PIK3C2A: variants seen among roughly 807,000 people sequenced by gnomAD.
PIK3C2A encodes phosphatidylinositol-4-phosphate 3-kinase catalytic subunit type 2 alpha.
PIK3C2A carries 97 observed loss-of-function variants against 204.5 expected under a neutral mutation model. The observed-to-expected ratio is 0.47, with a 90% CI of 0.40 to 0.56. The LOEUF is 0.56. PIK3C2A is among the 20% of genes least tolerant of loss of function. The pLI is 0.00. For missense variants in PIK3C2A, 1,735 were observed against 1,969.2 expected (o/e 0.88, Z 2.25); for synonymous variants, 653 against 664.4 (o/e 0.98, Z 0.26).
chr11:17,199,268 T>C (rs1160679241), intron 1 of PIK3C2A, among the ~76,000 whole-genome samples: 1 of 152,188 alleles, frequency 6.6e-6, no homozygotes, highest in East Asian at 1.9e-4. Flanking sequence ...CCCTGATACT[T>C]TGCTGCTAAG....
At position 17,119,886 on chromosome 11, in the gene PIK3C2A, C is replaced by T. The variant is rs573278976; in HGVS notation, c.2746G>A (p.Ala916Thr). ...PNCLPKILAS[A>T]PNWKWVNLAK... ...AGATTAACCCATTTCCAGTTTGGGG[C>T]GCTTGCTAATATTTTAGGAAGACAA... Residue 916 changes from alanine to threonine, a missense_variant, in exon 16 of 33, where the codon GCC becomes ACC. Physicochemically the swap from Ala to Thr is moderately conservative, Grantham distance 58. Around this residue, in one of 6 missense-constraint regions of PIK3C2A, gnomAD observed 567 missense variants for 576.0 expected, o/e 0.98. Transcript: ENST00000691414. The T allele has an allele frequency of 2.2e-5, 36 of 1,610,918 alleles. No homozygotes were observed. Among genetic ancestry groups the T allele is most frequent in the Non-Finnish European group, 2.5e-5 (29 of 1,178,152 alleles).
intron 3 of PIK3C2A, among the ~76,000 whole-genome samples, chr11:17,153,706 A>C (rs893987359): frequency 6.6e-6 from 1 of 152,214 alleles, no homozygotes; most frequent in African/African-American, 2.4e-5. Context: ...ATTTTATCTT[A>C]ACTATAAACA....
chr11:17,132,022 A>C lies in PIK3C2A; in HGVS notation c.2125T>G (p.Leu709Val), dbSNP rs758816096. ...NWVSNYEKYY[L>V]ICSLSHNGKD... ...CCATTGTGAGACAGTGAACATATCA[A>C]GTAGTATTTTTCATAACTGAGAAAA... The change falls in exon 12 of 33, where the codon TTG (leucine) becomes GTG (valine). Residue 709 changes from leucine (L) to valine (V), a missense_variant. Physicochemically the swap from Leu to Val is conservative, Grantham distance 32. Around this residue, in one of 6 missense-constraint regions of PIK3C2A, gnomAD observed 567 missense variants for 576.0 expected, o/e 0.98. Coordinates refer to ENST00000691414, the MANE Select transcript of PIK3C2A (RefSeq NM_002645.4). 3 of 1,527,646 alleles carry C rather than the reference A, an allele frequency of 2.0e-6. No homozygotes were observed. The highest frequency in any genetic ancestry group is 2.3e-5 in the East Asian group (1 of 44,138). The allele number at this position is 1,527,646 out of a possible 1,614,324, so 94.6% of individuals were successfully genotyped here.
At chr11:17,186,725 C>T (rs1851765287) in intron 1 of PIK3C2A, among the ~76,000 whole-genome samples, 1 of 152,234 alleles carries the variant, frequency 6.6e-6, no homozygotes, top group Non-Finnish European at 1.5e-5. Flanking sequence ...GACCAAAACA[C>T]ATTCCTATTT....
In PIK3C2A at chr11:17,148,704, C is replaced by A; in HGVS notation, c.1411G>T (p.Val471Phe). ...DLNQVDVGSY[V>F]LKVCGQEEVL... Reference sequence around the variant, plus strand: ...TCCTCTTGACCACAAACTTTTAGAACATAGCTGCCAACATCTACTTGATTC... The same window carrying A: ...TCCTCTTGACCACAAACTTTTAGAAAATAGCTGCCAACATCTACTTGATTC... Residue 471 changes from valine (V) to phenylalanine (F), a missense_variant, in exon 5 of 33, where the codon GTT (valine) becomes TTT (phenylalanine). Coordinates refer to ENST00000691414, the MANE Select transcript of PIK3C2A (RefSeq NM_002645.4). The A allele has an allele frequency of 1.2e-6, 2 of 1,613,478 alleles. No individual in the cohort carries two copies. The highest frequency in any genetic ancestry group is 1.7e-6 in the Non-Finnish European group (2 of 1,179,642).
intron 3 of PIK3C2A, among the ~76,000 whole-genome samples, chr11:17,154,782 T>C (rs187291913): frequency 3.3e-5 from 5 of 152,312 alleles, no homozygotes; most frequent in African/African-American, 1.2e-4. Context: ...GGATGATTTA[T>C]AGTAATGAAT....
intron 13 of PIK3C2A, among the ~76,000 whole-genome samples, chr11:17,127,652 A>G (rs1849566946): frequency 6.6e-6 from 1 of 152,200 alleles, no homozygotes; most frequent in Non-Finnish European, 1.5e-5. Flanking sequence ...ATATTTCAAG[A>G]ACAAATTTGT....
intron 18 of PIK3C2A, 25 bp from the exon 19 acceptor site, chr11:17,117,696 A>G: frequency 2.8e-6 from 2 of 724,468 alleles, no homozygotes; most frequent in Non-Finnish European, 4.4e-6. Flanking sequence ...TATTTATGTT[A>G]GTCACGTCTT....
intron 1 of PIK3C2A, among the ~76,000 whole-genome samples, chr11:17,187,138 T>C (rs1376215011): frequency 1.3e-5 from 2 of 152,072 alleles, no homozygotes; most frequent in Non-Finnish European, 2.9e-5. Context: ...GCTGAAGACC[T>C]AAAGTCATGG....
At chr11:17,175,795 A>G (rs955355215) in intron 1 of PIK3C2A, among the ~76,000 whole-genome samples, 2 of 152,238 alleles carry the variant, frequency 1.3e-5, no homozygotes, top group East Asian at 1.9e-4. Context: ...TGTGTTAGAC[A>G]GTCATTTACA....
At chr11:17,100,251 G>GA (rs938953247) in intron 25 of PIK3C2A, among the ~76,000 whole-genome samples, 4 of 43,856 alleles carry the variant, frequency 9.1e-5, no homozygotes, top group African/African-American at 2.4e-4. Flanking sequence ...TTTGGGGGCG[G>GA]GGGGGGGGGG....
chr11:17,181,509 G>A (rs578135477), intron 1 of PIK3C2A, among the ~76,000 whole-genome samples: 53 of 151,380 alleles, frequency 3.5e-4, no homozygotes, highest in Non-Finnish European at 5.9e-4. Context: ...TGGCATGCCC[G>A]TAGTCCCAGC....
At chr11:17,100,259 G>GT (rs1405207274) in intron 25 of PIK3C2A, among the ~76,000 whole-genome samples, 1 of 113,352 alleles carries the variant, frequency 8.8e-6, no homozygotes, top group Non-Finnish European at 1.8e-5. Context: ...CGGGGGGGGG[G>GT]GGCAGGGAGC....
chr11:17,163,694 A>T (rs1226881144), intron 2 of PIK3C2A, among the ~76,000 whole-genome samples: 2 of 152,070 alleles, frequency 1.3e-5, no homozygotes, highest in Non-Finnish European at 2.9e-5. Context: ...GTTTACAGGC[A>T]TGAGCCACCA....
chr11:17,198,439 G>C (rs945219962), intron 1 of PIK3C2A, among the ~76,000 whole-genome samples: 2 of 152,046 alleles, frequency 1.3e-5, no homozygotes, highest in Non-Finnish European at 2.9e-5. Flanking sequence ...TAAGTTACTT[G>C]ATCTCCCTTT....
At chr11:17,154,645 C>T (rs1850524528) in intron 3 of PIK3C2A, among the ~76,000 whole-genome samples, 2 of 152,058 alleles carry the variant, frequency 1.3e-5, no homozygotes, top group Admixed American at 6.5e-5. Context: ...ATCTGGCTAG[C>T]TAAGGGGACT....
chr11:17,165,095 T>A (rs989577382), intron 2 of PIK3C2A, among the ~76,000 whole-genome samples: 3 of 152,090 alleles, frequency 2.0e-5, no homozygotes, highest in South Asian at 2.1e-4. Flanking sequence ...AGTTTCGCAA[T>A]GAAAGCATTA....
chr11:17,175,915 T>TTAAA (rs1359110403), intron 1 of PIK3C2A, among the ~76,000 whole-genome samples: 1 of 152,088 alleles, frequency 6.6e-6, no homozygotes, highest in Non-Finnish European at 1.5e-5. Context: ...TAAAAAAGAA[T>TTAAA]TATTTGAGTT....
Position 17,184,800 on chromosome 11 carries a change from G to A in PIK3C2A, c.-65-14994C>T, listed in dbSNP as rs981624741. On this transcript the variant is annotated intron_variant, in intron 1 of 32. Coordinates refer to ENST00000691414, the MANE Select transcript of PIK3C2A (RefSeq NM_002645.4). The stretch of plus-strand genomic sequence containing the variant: ...CAAAAAGTTTAAAAAATAATTAGCC[G>A]AGTGTGGTGGCACACACCTATATTC... Among the ~76,000 whole-genome samples the A allele has an allele frequency of 3.9e-5, 6 of 151,966 alleles. 1 individual carries two copies. The highest frequency in any genetic ancestry group is 7.4e-5 in the Non-Finnish European group (5 of 67,992).
Sources: gnomAD v4.1 joint callset for allele counts (sites outside exome capture counted in the v4.1 genomes callset) on GRCh38, gnomAD v4.1.1 for gene constraint, gnomAD v4.1.1 regional missense constraint, MANE v1.5 for transcripts, NCBI Gene and HGNC (gene_info 2026-07-23, HGNC 2026-07-21) for gene names.